The following PALM2AKAP2 variants were observed in gnomAD, a reference collection of about 807,000 sequenced individuals.
PALM2AKAP2 encodes PALM2 and AKAP2 fusion.
PALM2AKAP2 carries 37 observed loss-of-function variants against 71.5 expected under a neutral mutation model. The observed-to-expected ratio is 0.52, with a 90% CI of 0.40 to 0.68. The LOEUF is 0.68. Among genes scored for constraint, PALM2AKAP2 ranks in the 30% least tolerant of loss-of-function variants. PALM2AKAP2 has a pLI of 0.00. For synonymous variants in PALM2AKAP2, 468 were observed against 478.8 expected, an observed-to-expected ratio of 0.98 and a Z score of 0.29; for missense variants, 1,224 against 1,191.8, an observed-to-expected ratio of 1.03 and a Z score of -0.40.
At chr9:110,104,122 T>G (rs1455138587) in intron 1 of PALM2AKAP2, among the ~76,000 whole-genome samples, 1 of 149,374 alleles carries the variant, frequency 6.7e-6, no homozygotes, top group Non-Finnish European at 1.5e-5. Context: ...CAGTTCTACT[T>G]TTTCCTCTTT....
chr9:109,661,345 G>A (rs989977008), intron 1 of PALM2AKAP2, among the ~76,000 whole-genome samples: 2 of 152,152 alleles, frequency 1.3e-5, no homozygotes, highest in Non-Finnish European at 2.9e-5. Flanking sequence ...TTTGTGTAAG[G>A]TGTAAGGAAG....
intron 6 of PALM2AKAP2, among the ~76,000 whole-genome samples, chr9:109,976,948 G>C (rs959615042): frequency 6.6e-6 from 1 of 152,058 alleles, no homozygotes; most frequent in Admixed American, 6.6e-5. Context: ...AAAACTTGGT[G>C]CCAGAGCTTC....
At chr9:109,900,754 T>A in intron 3 of PALM2AKAP2, among the ~76,000 whole-genome samples, 1 of 152,214 alleles carries the variant, frequency 6.6e-6, no homozygotes, top group East Asian at 1.9e-4. Flanking sequence ...GCTTCTGGAC[T>A]GACGTTTCTA....
rs1209095794 is a variant in PALM2AKAP2, at chr9:110,121,848, TG to T, written c.157-14278del. 2.6e-5 allele frequency among the ~76,000 whole-genome samples: 4 copies of T among 152,320 alleles called. No homozygotes were observed. The East Asian group carries it at 5.8e-4, about 22-fold the overall frequency. On this transcript the variant is annotated intron_variant, in intron 1 of 3. Coordinates refer to ENST00000374525, the Ensembl canonical transcript of PALM2AKAP2. ...GCTCCTATCCTCTCACAGGCTTTCT[TG>T]AGACTCTGCCCACTCAAAATGAGTT...
chr9:109,855,924 T>C (rs572283189), intron 1 of PALM2AKAP2, among the ~76,000 whole-genome samples: 2 of 152,224 alleles, frequency 1.3e-5, no homozygotes, highest in Non-Finnish European at 2.9e-5. Context: ...TAATAGTCTA[T>C]GATAAGGACA....
Position 109,923,888 on chromosome 9 carries a change from T to C in PALM2AKAP2, c.372+39T>C. The C allele has an allele frequency of 2.0e-6, 3 of 1,524,806 alleles. No homozygotes were observed. The South Asian group carries it at 3.8e-5, about 20-fold the overall frequency. The allele number at this position is 1,524,806 out of a possible 1,614,324, so 94.5% of individuals were successfully genotyped here. A position where few individuals can be genotyped will look rare whatever the true frequency, so the allele number is the denominator to read the frequency against. The stretch of plus-strand genomic sequence containing the variant: ...AAACGATTTCTCAAAGTTATTTCCA[T>C]GGGGAAGTAGGGCCTAGCAAAATGG... On this transcript the variant is annotated intron_variant, in intron 4 of 9. Coordinates refer to the PALM2AKAP2 transcript ENST00000302798.
chr9:110,119,211 T>C (rs181603138), intron 1 of PALM2AKAP2, among the ~76,000 whole-genome samples: 1,794 of 151,618 alleles, frequency 0.012, 9 homozygotes, highest in South Asian at 0.033. Flanking sequence ...GGTGTGGTGG[T>C]GGGCGCCTGT....
At chr9:109,704,678 G>A (rs1409395024) in intron 1 of PALM2AKAP2, among the ~76,000 whole-genome samples, 2 of 152,122 alleles carry the variant, frequency 1.3e-5, no homozygotes, top group Non-Finnish European at 2.9e-5. Context: ...CATTTCACAT[G>A]CGTGATAATC....
intron 1 of PALM2AKAP2, among the ~76,000 whole-genome samples, chr9:109,710,003 A>C (rs914730666): frequency 2.6e-5 from 4 of 152,196 alleles, no homozygotes; most frequent in Admixed American, 6.5e-5. Flanking sequence ...AGGTGTCCTT[A>C]TAAGAAGAAA....
At chr9:110,072,557 G>C (rs1311132010) in intron 1 of PALM2AKAP2, among the ~76,000 whole-genome samples, 1 of 152,242 alleles carries the variant, frequency 6.6e-6, no homozygotes, top group African/African-American at 2.4e-5. Flanking sequence ...TTTGTTGCAA[G>C]GATGGCGGTA....
At chr9:109,770,681 G>A (rs1326734491) in intron 1 of PALM2AKAP2, among the ~76,000 whole-genome samples, 1 of 152,114 alleles carries the variant, frequency 6.6e-6, no homozygotes, top group Non-Finnish European at 1.5e-5. Context: ...GGCCATCTTG[G>A]GTACACTTGG....
intron 1 of PALM2AKAP2, among the ~76,000 whole-genome samples, chr9:110,078,424 T>G (rs1834371341): frequency 6.6e-6 from 1 of 152,212 alleles, no homozygotes; most frequent in African/African-American, 2.4e-5. Flanking sequence ...TTTTCTGAAT[T>G]TATGTATTCT....
At chr9:110,095,721 T>C (rs1834820745) in intron 1 of PALM2AKAP2, among the ~76,000 whole-genome samples, 1 of 152,172 alleles carries the variant, frequency 6.6e-6, no homozygotes, top group African/African-American at 2.4e-5. Context: ...CTCCTCCCCA[T>C]CTTGTGCTAT....
At chr9:109,867,462 C>A in intron 1 of PALM2AKAP2, 29 bp from the exon 2 acceptor site, 2 of 1,608,802 alleles carry the variant, frequency 1.2e-6, no homozygotes, top group South Asian at 2.2e-5. Flanking sequence ...CCCACCCACT[C>A]TTACAGCCTC....
chr9:110,135,998 A>G, intron 1 of PALM2AKAP2, 129 bp from the exon 8 acceptor site: 1 of 1,183,834 alleles, frequency 8.4e-7, no homozygotes, highest in African/African-American at 1.5e-5. Flanking sequence ...ATTAGAAAAT[A>G]TCTATTCAAA....
At chr9:109,999,861 C>G (rs1832648213) in intron 6 of PALM2AKAP2, among the ~76,000 whole-genome samples, 1 of 151,730 alleles carries the variant, frequency 6.6e-6, no homozygotes, top group Admixed American at 6.6e-5. Flanking sequence ...CAAGGAGGAG[C>G]TGGCAGCAGA....
intron 2 of PALM2AKAP2, among the ~76,000 whole-genome samples, chr9:109,875,542 G>A (rs1281652757): frequency 6.6e-6 from 1 of 152,154 alleles, no homozygotes; most frequent in Non-Finnish European, 1.5e-5. Flanking sequence ...TTAGATTATG[G>A]TGTTTGACCA....
chr9:110,077,328 A>C (rs928380396), intron 1 of PALM2AKAP2, among the ~76,000 whole-genome samples: 3 of 152,226 alleles, frequency 2.0e-5, no homozygotes, highest in Non-Finnish European at 4.4e-5. Context: ...TTGCAAGTAC[A>C]CATTCAGTGA....
At chr9:110,077,256 C>A (rs1305793433) in intron 1 of PALM2AKAP2, among the ~76,000 whole-genome samples, 1 of 152,046 alleles carries the variant, frequency 6.6e-6, no homozygotes, top group Non-Finnish European at 1.5e-5. Context: ...AGGGCGATAC[C>A]CTATTAGATG....
Sources: gnomAD v4.1 joint callset for allele counts (sites outside exome capture counted in the v4.1 genomes callset) on GRCh38, gnomAD v4.1.1 for gene constraint, MANE v1.5 for transcripts, NCBI Gene and HGNC (gene_info 2026-07-23, HGNC 2026-07-21) for gene names.